NCAM1: variants seen among roughly 807,000 people sequenced by gnomAD.
The protein encoded by NCAM1 is antigen recognized by monoclonal antibody 5.1H11.
NCAM1 carries 14 observed loss-of-function variants against 109.8 expected under a neutral mutation model. The ratio of observed to expected loss-of-function variants is 0.13; its 90% confidence interval spans 0.08 to 0.20. The LOEUF is 0.20. Among genes scored for constraint, NCAM1 ranks in the 10% least tolerant of loss-of-function variants. NCAM1 has a pLI of 1.00. For missense variants in NCAM1, 774 were observed against 1,109.9 expected (o/e 0.70, Z 4.30); for synonymous variants, 418 against 442.9 (o/e 0.94, Z 0.70).
At chr11:113,076,289 T>C (rs1297742835) in intron 1 of NCAM1, among the ~76,000 whole-genome samples, 1 of 152,210 alleles carries the variant, frequency 6.6e-6, no homozygotes, top group Admixed American at 6.5e-5. Flanking sequence ...GCAGATTAGT[T>C]CTGCTCCTTG....
chr11:113,152,141 C>T (rs1427929094), intron 1 of NCAM1, among the ~76,000 whole-genome samples: 1 of 152,230 alleles, frequency 6.6e-6, no homozygotes, highest in Non-Finnish European at 1.5e-5. Context: ...AGGCATCTCT[C>T]ATGGGAGCCT....
intron 1 of NCAM1, among the ~76,000 whole-genome samples, chr11:113,114,947 T>C (rs1555094557): frequency 6.6e-6 from 1 of 152,312 alleles, no homozygotes; most frequent in East Asian, 1.9e-4. Context: ...TACTCAATTC[T>C]TGGGGGGAAT....
At chr11:112,964,686 T>A (rs1225888258) in intron 1 of NCAM1, among the ~76,000 whole-genome samples, 1 of 152,240 alleles carries the variant, frequency 6.6e-6, no homozygotes, top group Non-Finnish European at 1.5e-5. Context: ...ACTGAGAATG[T>A]GTGTTTTTAA....
chr11:113,194,499 A>G (rs1943792733), intron 1 of NCAM1, among the ~76,000 whole-genome samples: 1 of 152,158 alleles, frequency 6.6e-6, no homozygotes, highest in African/African-American at 2.4e-5. Context: ...GATTTTGGAA[A>G]CCTGCTTGCT....
At chr11:113,147,353 G>A (rs1942055071) in intron 1 of NCAM1, among the ~76,000 whole-genome samples, 1 of 152,218 alleles carries the variant, frequency 6.6e-6, no homozygotes, top group East Asian at 1.9e-4. Flanking sequence ...CATCTTGCTT[G>A]AGGATAAAAC....
At chr11:113,111,894 C>T (rs539191384) in intron 1 of NCAM1, among the ~76,000 whole-genome samples, 4 of 152,174 alleles carry the variant, frequency 2.6e-5, no homozygotes, top group Admixed American at 6.6e-5. Context: ...TTTGAATAAA[C>T]GTATTCATTA....
chr11:113,125,398 G>A (rs951223928), intron 1 of NCAM1, among the ~76,000 whole-genome samples: 4 of 152,148 alleles, frequency 2.6e-5, no homozygotes, highest in African/African-American at 7.2e-5. Context: ...AAGAAAAATG[G>A]TTGTAGATAA....
chr11:113,068,371 C>G (rs1290661903), intron 1 of NCAM1, among the ~76,000 whole-genome samples: 1 of 152,090 alleles, frequency 6.6e-6, no homozygotes, highest in Non-Finnish European at 1.5e-5. Flanking sequence ...GGTGGGTATA[C>G]TAATAACAGA....
At chr11:113,237,983 T>A (rs1945225679) in intron 14 of NCAM1, among the ~76,000 whole-genome samples, 1 of 149,480 alleles carries the variant, frequency 6.7e-6, no homozygotes, top group Admixed American at 6.7e-5. Flanking sequence ...TAGATATATA[T>A]CTCAGAAGCT....
intron 9 of NCAM1, among the ~76,000 whole-genome samples, chr11:113,226,403 C>T (rs1447940962): frequency 6.6e-6 from 1 of 152,184 alleles, no homozygotes; most frequent in East Asian, 1.9e-4. Context: ...TATATGCACC[C>T]AGTACAGGAG....
chr11:112,995,879 A>G lies in NCAM1; in HGVS notation c.52+34215A>G, dbSNP rs1046891132. ...CTGTTTGGCTAGTTCTATTGAAGTAATCAATCAACTCTGCCTGACTGGATG... is the reference window on the plus strand; with the variant it reads ...CTGTTTGGCTAGTTCTATTGAAGTAGTCAATCAACTCTGCCTGACTGGATG... On this transcript the variant is annotated intron_variant, in intron 1 of 19. Transcript: ENST00000316851. 2.6e-5 allele frequency among the ~76,000 whole-genome samples: 4 copies of G among 152,170 alleles called. No homozygotes were observed. In the South Asian group the frequency reaches 8.3e-4, roughly 32 times the overall value.
At chr11:113,108,511 A>G (rs1289788978) in intron 1 of NCAM1, among the ~76,000 whole-genome samples, 1 of 152,080 alleles carries the variant, frequency 6.6e-6, no homozygotes, top group Admixed American at 6.5e-5. Context: ...TCTTATGCAG[A>G]TTGTTTAATT....
chr11:112,964,558 T>C (rs1387297240), intron 1 of NCAM1, among the ~76,000 whole-genome samples: 1 of 152,212 alleles, frequency 6.6e-6, no homozygotes, highest in Non-Finnish European at 1.5e-5. Context: ...AAAGCTAACA[T>C]TGAAATCAAG....
At position 113,271,757 on chromosome 11, in the gene NCAM1, C is replaced by T. The variant is rs536271569; in HGVS notation, c.2340-3C>T. On this transcript the variant is annotated splice_region_variant and splice_polypyrimidine_tract_variant and intron_variant, in intron 18 of 19. Coordinates refer to ENST00000316851, the MANE Select transcript of NCAM1 (RefSeq NM_181351.5). The stretch of plus-strand genomic sequence containing the variant: ...GGTCTAACCAGCAGTACTGTCTCCA[C>T]AGGAAAGATGAGTCCAAGGAGCCCA... 57 of 1,553,898 alleles carry T rather than the reference C, an allele frequency of 3.7e-5. 1 individual carries two copies. The South Asian group carries it at 6.8e-4, about 18-fold the overall frequency.
At chr11:112,979,151 G>A (rs1443510812) in intron 1 of NCAM1, among the ~76,000 whole-genome samples, 3 of 151,330 alleles carry the variant, frequency 2.0e-5, no homozygotes, top group African/African-American at 4.8e-5. Flanking sequence ...TTGGGTTGCT[G>A]TTCTGAAGAA....
chr11:113,141,428 G>A (rs1027091003), intron 1 of NCAM1, among the ~76,000 whole-genome samples: 1 of 152,134 alleles, frequency 6.6e-6, no homozygotes, highest in African/African-American at 2.4e-5. Flanking sequence ...TCAGGAGATC[G>A]AGACCATCCT....
chr11:113,260,420 C>T, intron 17 of NCAM1, 97 bp downstream of exon 17: 2 of 1,317,602 alleles, frequency 1.5e-6, no homozygotes, highest in Non-Finnish European at 2.1e-6. Flanking sequence ...AACTTGCTTG[C>T]TTACAGCCAT....
intron 1 of NCAM1, among the ~76,000 whole-genome samples, chr11:113,079,402 A>T (rs1938685204): frequency 6.6e-6 from 1 of 151,990 alleles, no homozygotes; most frequent in Non-Finnish European, 1.5e-5. Flanking sequence ...CCTCCTCTAT[A>T]CCCGTGTTTC....
At chr11:113,032,273 T>C (rs1952744942) in intron 1 of NCAM1, among the ~76,000 whole-genome samples, 1 of 152,174 alleles carries the variant, frequency 6.6e-6, no homozygotes, top group East Asian at 1.9e-4. Context: ...CTGATGCCTA[T>C]ACTTTTGGAC....
Sources: allele counts gnomAD v4.1 joint callset (sites outside exome capture counted in the v4.1 genomes callset), GRCh38; gene constraint gnomAD v4.1.1; transcripts MANE v1.5; gene names NCBI Gene and HGNC (gene_info 2026-07-23, HGNC 2026-07-21).